Variants in PRDM6 observed in about 807,000 individuals in gnomAD.
PRDM6 encodes putative histone-lysine N-methyltransferase PRDM6.
In PRDM6, 25 loss-of-function variants were observed where a neutral mutation model predicts 60.8. The observed-to-expected ratio is 0.41, with a 90% CI of 0.30 to 0.57. The LOEUF (loss-of-function observed/expected upper bound fraction) is 0.57, where lower values mean the gene tolerates loss of function less well. Among genes scored for constraint, PRDM6 ranks in the 20% least tolerant of loss-of-function variants. The pLI, the probability that PRDM6 is intolerant of heterozygous loss-of-function variation, is 0.27. For synonymous variants in PRDM6, 407 were observed against 357.4 expected (o/e 1.14, Z -1.57); for missense variants, 839 against 821.3 (o/e 1.02, Z -0.26).
intron 3 of PRDM6, among the ~76,000 whole-genome samples, chr5:123,119,340 G>A (rs1764528758): frequency 6.6e-6 from 1 of 152,204 alleles, no homozygotes; most frequent in East Asian, 1.9e-4. Flanking sequence ...GACTTGAGAA[G>A]AGGACGTGGG....
chr5:123,193,668 A>G lies in PRDM6; in HGVS notation c.*6467A>G, dbSNP rs1468638459. 1 of 152,232 alleles carries G rather than the reference A, an allele frequency of 6.6e-6. No homozygotes were observed. 9.4% of individuals were successfully genotyped at this position (152,232 alleles called of 1,614,324 possible). A position where few individuals can be genotyped will look rare whatever the true frequency, so the allele number is the denominator to read the frequency against. On this transcript the variant is annotated 3_prime_UTR_variant, in exon 8 of 8. Coordinates refer to ENST00000407847, the MANE Select transcript of PRDM6 (RefSeq NM_001136239.4). Reference sequence around the variant, plus strand: ...AAGGAAAACTTTGGCTCAGATCAGCAAAATTATTTTGGAAACTTAATGTCC... The same window carrying G: ...AAGGAAAACTTTGGCTCAGATCAGCGAAATTATTTTGGAAACTTAATGTCC...
chr5:123,097,229 C>T (rs1252134780), intron 2 of PRDM6, among the ~76,000 whole-genome samples: 4 of 152,132 alleles, frequency 2.6e-5, no homozygotes, highest in Admixed American at 6.5e-5. Context: ...CTTTAATGTC[C>T]GAAAACACAA....
At chr5:123,111,269 A>G (rs970982268) in intron 3 of PRDM6, among the ~76,000 whole-genome samples, 1 of 152,198 alleles carries the variant, frequency 6.6e-6, no homozygotes, top group Non-Finnish European at 1.5e-5. Context: ...GTAGGTCTCA[A>G]CCTCTAGCAG....
In PRDM6 at chr5:123,089,312, G is replaced by C. The variant is rs1383717659; in HGVS notation, c.-223G>C. The C allele has an allele frequency of 6.5e-6, 1 of 152,814 alleles. No individual in the cohort carries two copies. The highest frequency in any genetic ancestry group is 2.4e-5 in the African/African-American group (1 of 41,448). The allele number at this position is 152,814 out of a possible 1,614,324, so 9.5% of individuals were successfully genotyped here. A position where few individuals can be genotyped will look rare whatever the true frequency, so the allele number is the denominator to read the frequency against. Reference sequence around the variant, plus strand: ...CAGCAGCCCACGGCGGTTGAGTCGGGCGCCCAGGTCCGTCCGCACTCTCGC... The same window carrying C: ...CAGCAGCCCACGGCGGTTGAGTCGGCCGCCCAGGTCCGTCCGCACTCTCGC... On this transcript the variant is annotated 5_prime_UTR_variant, in exon 1 of 8. Transcript: ENST00000407847.
Position 123,142,763 on chromosome 5 carries a change from T to TTCTA in PRDM6, c.901-13119_901-13116dup, listed in dbSNP as rs1230490480. On this transcript the variant is annotated intron_variant, in intron 3 of 7. Transcript: ENST00000407847. ...CTTATGAAATAAACCAACCAAAGGA[T>TTCTA]TCTATTTCAGTTTGCTTTTCTAGCG... is the stretch of plus-strand genomic sequence containing the variant. Among the ~76,000 whole-genome samples the TTCTA allele has an allele frequency of 8.6e-5, 13 of 151,280 alleles. No individual in the cohort carries two copies. The East Asian group carries it at 2.5e-3, about 29-fold the overall frequency.
At chr5:123,120,826 A>T (rs937542045) in intron 3 of PRDM6, among the ~76,000 whole-genome samples, 2 of 152,136 alleles carry the variant, frequency 1.3e-5, no homozygotes, top group Non-Finnish European at 2.9e-5. Flanking sequence ...ATAGATTTTC[A>T]TTATTTTAGT....
rs143071504 is a variant in PRDM6, at chr5:123,139,458, A to G, written c.901-16426A>G. Among the ~76,000 whole-genome samples, 165 of 152,236 alleles carry G rather than the reference A, an allele frequency of 1.1e-3. 1 individual carries two copies. The highest frequency in any genetic ancestry group is 1.8e-3 in the Non-Finnish European group (122 of 68,004). Reference sequence around the variant, plus strand: ...GAAACATTCAGAAGAGATGCACCTAATAGTTTATGGATGATATTCAGTGAA... The same window carrying G: ...GAAACATTCAGAAGAGATGCACCTAGTAGTTTATGGATGATATTCAGTGAA... On this transcript the variant is annotated intron_variant, in intron 3 of 7. Coordinates refer to ENST00000407847, the MANE Select transcript of PRDM6 (RefSeq NM_001136239.4).
intron 3 of PRDM6, among the ~76,000 whole-genome samples, chr5:123,124,837 T>C (rs1293708649): frequency 6.6e-6 from 1 of 152,204 alleles, no homozygotes; most frequent in Non-Finnish European, 1.5e-5. Context: ...AAGGATATGT[T>C]TTCAAACTCT....
Position 123,191,423 on chromosome 5 carries a change from A to G in PRDM6, c.*4222A>G, listed in dbSNP as rs1051261048. On this transcript the variant is annotated 3_prime_UTR_variant, in exon 8 of 8. Transcript: ENST00000407847. ...AATTCATTGCTCTCATATTAAGGCT[A>G]TGCATGCCTACAGAAACCAGGCCAG... The G allele has an allele frequency of 7.2e-5, 11 of 152,166 alleles. No homozygotes were observed. The highest frequency in any genetic ancestry group is 2.7e-4 in the African/African-American group (11 of 41,440). The allele number at this position is 152,166 out of a possible 1,614,324, so 9.4% of individuals were successfully genotyped here. A position where few individuals can be genotyped will look rare whatever the true frequency, so the allele number is the denominator to read the frequency against.
chr5:123,168,215 T>C (rs796504891), intron 5 of PRDM6, among the ~76,000 whole-genome samples: 5 of 152,172 alleles, frequency 3.3e-5, no homozygotes, highest in African/African-American at 1.2e-4. Flanking sequence ...GTATATAGAA[T>C]AAAGACATAC....
At chr5:123,132,947 A>G (rs1369109987) in intron 3 of PRDM6, among the ~76,000 whole-genome samples, 1 of 152,080 alleles carries the variant, frequency 6.6e-6, no homozygotes, top group Non-Finnish European at 1.5e-5. Context: ...TATTATCATG[A>G]AGACTATTCT....
At chr5:123,178,334 A>G (rs1280468371) in intron 6 of PRDM6, among the ~76,000 whole-genome samples, 1 of 152,218 alleles carries the variant, frequency 6.6e-6, no homozygotes, top group Non-Finnish European at 1.5e-5. Context: ...GTCAGTGAAT[A>G]TAGCATATAT....
At position 123,099,727 on chromosome 5, in the gene PRDM6, T is replaced by G. The variant is rs1448569091; in HGVS notation, c.666T>G (p.Leu222=). Residue 222 remains leucine, a synonymous_variant, in exon 3 of 8, where the codon CTT becomes CTG. Coordinates refer to ENST00000407847, the MANE Select transcript of PRDM6 (RefSeq NM_001136239.4). The surrounding 1 kb of genome is among the most constrained non-coding windows in gnomAD (Gnocchi z 4.0). ...GGCCACTGCACTCGCTGCGCCGGCT[T>G]GTGGGCACCAGCAGCGCTGCGGCCG... ...MHGPLHSLRR[L]VGTSSAAAAA... is the part of the protein sequence containing the mutation. 6.5e-7 allele frequency: 1 copy of G among 1,538,762 alleles called. No individual in the cohort carries two copies. Among genetic ancestry groups the G allele is most frequent in the East Asian group, 2.5e-5 (1 of 40,666 alleles).
At chr5:123,186,785 T>A (rs1317792580) in intron 7 of PRDM6, among the ~76,000 whole-genome samples, 5 of 152,246 alleles carry the variant, frequency 3.3e-5, no homozygotes, top group Non-Finnish European at 7.3e-5. Flanking sequence ...GGCTCACTCC[T>A]AAAAATCTCT....
intron 3 of PRDM6, among the ~76,000 whole-genome samples, chr5:123,108,446 C>T (rs900883173): frequency 6.6e-6 from 1 of 152,144 alleles, no homozygotes; most frequent in African/African-American, 2.4e-5. Flanking sequence ...GTAGATAGCT[C>T]CTAAACAAAT....
intron 3 of PRDM6, among the ~76,000 whole-genome samples, chr5:123,152,010 GA>G (rs983754438): frequency 4.4e-4 from 67 of 152,038 alleles, no homozygotes; most frequent in African/African-American, 1.6e-3. Context: ...AAAAAAAACA[GA>G]AAAAAACAAT....
At chr5:123,136,384 C>T (rs1031600334) in intron 3 of PRDM6, among the ~76,000 whole-genome samples, 5 of 151,966 alleles carry the variant, frequency 3.3e-5, no homozygotes, top group Non-Finnish European at 7.4e-5. Flanking sequence ...AGATATGGGA[C>T]GTTATTCACC....
intron 3 of PRDM6, among the ~76,000 whole-genome samples, chr5:123,114,948 C>T (rs1347625531): frequency 6.6e-6 from 1 of 152,182 alleles, no homozygotes; most frequent in Non-Finnish European, 1.5e-5. Flanking sequence ...TGTTAGGAGA[C>T]ACTCAGAGGA....
At chr5:123,116,220 T>C (rs1764441152) in intron 3 of PRDM6, among the ~76,000 whole-genome samples, 1 of 152,202 alleles carries the variant, frequency 6.6e-6, no homozygotes, top group South Asian at 2.1e-4. Flanking sequence ...TCTGTCCAAA[T>C]GTTAGCCTGG....
Sources: allele counts gnomAD v4.1 joint callset (sites outside exome capture counted in the v4.1 genomes callset), GRCh38; gene constraint gnomAD v4.1.1; non-coding constraint Gnocchi (gnomAD v3.1); transcripts MANE v1.5; gene names NCBI Gene and HGNC (gene_info 2026-07-23, HGNC 2026-07-21).